RUFY4: variants seen among roughly 807,000 people sequenced by gnomAD.
The protein encoded by RUFY4 is RUN and FYVE domain containing 4, also known as RUN and FYVE domain-containing protein 4.
A neutral mutation model predicts 69.0 loss-of-function variants in RUFY4; 73 were observed. That is an observed-to-expected ratio of 1.06 (90% confidence interval 0.88 to 1.29). The LOEUF is 1.29. Among genes scored for constraint, RUFY4 ranks in the 50% most tolerant of loss-of-function variants. The pLI, the probability that RUFY4 is intolerant of heterozygous loss-of-function variation, is 0.00. For synonymous variants in RUFY4, 287 were observed against 271.8 expected (o/e 1.06, Z -0.55); for missense variants, 770 against 705.6 (o/e 1.09, Z -1.03).
chr2:218,048,084 G>A (rs891810962), intron 2 of RUFY4, among the ~76,000 whole-genome samples: 1 of 152,128 alleles, frequency 6.6e-6, no homozygotes, highest in African/African-American at 2.4e-5. Context: ...CAGTAACAGC[G>A]TATAAGCGTT....
At chr2:218,064,704 A>G (rs1234605086), upstream of RUFY4, among the ~76,000 whole-genome samples, 1 of 149,858 alleles carries the variant, frequency 6.7e-6, no homozygotes. Flanking sequence ...CACCTTCCCC[A>G]CTGGTGCCAT....
intron 2 of RUFY4, among the ~76,000 whole-genome samples, chr2:218,050,935 G>A (rs1427670): frequency 0.021 from 3,145 of 152,070 alleles, 127 homozygotes; most frequent in African/African-American, 0.073. Context: ...ATATATAAAT[G>A]GAATAAACAT....
Position 218,042,890 on chromosome 2 carries a change from C to T in RUFY4, c.-1158+7496C>T, listed in dbSNP as rs137948724. Among the ~76,000 whole-genome samples, 78 of 152,270 alleles carry T rather than the reference C, an allele frequency of 5.1e-4. 1 individual carries two copies. In the East Asian group the frequency reaches 9.1e-3, roughly 18 times the overall value. On this transcript the variant is annotated intron_variant and NMD_transcript_variant, in intron 2 of 13. Coordinates refer to the RUFY4 transcript ENST00000457754. Reference sequence around the variant, plus strand: ...TGAAATACAATCTTTATTATAGTCACTCCTATTTTTACCAAAAATAATCAC... The same window carrying T: ...TGAAATACAATCTTTATTATAGTCATTCCTATTTTTACCAAAAATAATCAC...
intron 2 of RUFY4, among the ~76,000 whole-genome samples, chr2:218,037,887 C>T (rs546871896): frequency 1.0e-3 from 156 of 152,202 alleles, no homozygotes; most frequent in African/African-American, 3.5e-3. Context: ...CTTTTGTTCA[C>T]AAAAGTACAT....
chr2:218,081,537 T>C (rs1301674179), intron 8 of RUFY4, among the ~76,000 whole-genome samples: 1 of 152,210 alleles, frequency 6.6e-6, no homozygotes, highest in Non-Finnish European at 1.5e-5. Context: ...CCATAGGCTC[T>C]GCTTTATTCC....
At chr2:218,061,565 T>C (rs1156616890) in intron 3 of RUFY4, 1 of 158,272 alleles carries the variant, frequency 6.3e-6, no homozygotes, top group African/African-American at 2.4e-5. Flanking sequence ...TCACCTCTAA[T>C]TTGTATATGG....
At chr2:218,083,542 G>A (rs1689817891) in intron 9 of RUFY4, among the ~76,000 whole-genome samples, 1 of 152,232 alleles carries the variant, frequency 6.6e-6, no homozygotes, top group East Asian at 1.9e-4. Flanking sequence ...GAGGTCAGGA[G>A]TTCAAGACTA....
At chr2:218,064,483 C>T (rs980522003), upstream of RUFY4, among the ~76,000 whole-genome samples, 3 of 152,242 alleles carry the variant, frequency 2.0e-5, no homozygotes, top group Admixed American at 2.0e-4. Flanking sequence ...CACATCCTCC[C>T]TCGCTCCATC....
chr2:218,058,109 T>C (rs1357696698), intron 2 of RUFY4, among the ~76,000 whole-genome samples: 1 of 152,218 alleles, frequency 6.6e-6, no homozygotes, highest in Non-Finnish European at 1.5e-5. Context: ...ATTTATCTAC[T>C]ACCAGCAATG....
intron 5 of RUFY4, among the ~76,000 whole-genome samples, 157 bp from the exon 8 acceptor site, chr2:218,073,659 G>A (rs531124170): frequency 6.6e-5 from 10 of 152,254 alleles, no homozygotes; most frequent in Middle Eastern, 3.4e-3. Context: ...GGGAAAGTAC[G>A]GATGAATGGA....
At chr2:218,076,632 T>C in intron 8 of RUFY4, 99 bp downstream of exon 10, 1 of 1,502,694 alleles carries the variant, frequency 6.7e-7, no homozygotes, top group Non-Finnish European at 8.9e-7. Context: ...GAACCTCCCA[T>C]GCACCAGGCC....
At chr2:218,052,011 G>T (rs922116655) in intron 2 of RUFY4, among the ~76,000 whole-genome samples, 3 of 152,010 alleles carry the variant, frequency 2.0e-5, no homozygotes, top group Admixed American at 6.5e-5. Flanking sequence ...CTTTCTCAAG[G>T]TAGAGTTTTC....
At chr2:218,050,626 G>A (rs1242187424) in intron 2 of RUFY4, among the ~76,000 whole-genome samples, 1 of 152,164 alleles carries the variant, frequency 6.6e-6, no homozygotes, top group East Asian at 1.9e-4. Flanking sequence ...CCTTCTTATA[G>A]CTGGATATTC....
Position 218,076,397 on chromosome 2 carries a change from GCCTCCTTCTCC to G in RUFY4, c.1249-21_1249-11del, listed in dbSNP as rs747635349. ...CTGGGGTCTCTGCCCTTCTCCTTCA[GCCTCCTTCTCC>G]CCTCCTTCCACCCCACAGAGCCTCA... On this transcript the variant is annotated intron_variant, in intron 7 of 10. Coordinates refer to ENST00000344321, the Ensembl canonical transcript of RUFY4. 2.4e-4 allele frequency: 366 copies of G among 1,546,840 alleles called. 1 individual carries two copies. The highest frequency in any genetic ancestry group is 4.7e-4 in the Admixed American group (24 of 50,690).
At chr2:218,056,423 C>A (rs1021217934) in intron 2 of RUFY4, among the ~76,000 whole-genome samples, 1 of 151,982 alleles carries the variant, frequency 6.6e-6, no homozygotes, top group African/African-American at 2.4e-5. Context: ...TTTTTTCCCC[C>A]ACTTCTGGTC....
intron 9 of RUFY4, among the ~76,000 whole-genome samples, chr2:218,083,905 G>T (rs1689828989): frequency 6.6e-6 from 1 of 151,728 alleles, no homozygotes; most frequent in Non-Finnish European, 1.5e-5. Flanking sequence ...GAAGGAATTG[G>T]GAGAAGGAGG....
chr2:218,089,229 C>T (rs1245000834), intron 9 of RUFY4, 23 bp from the exon 12 acceptor site: 2 of 1,581,926 alleles, frequency 1.3e-6, no homozygotes, highest in Non-Finnish European at 1.7e-6. Flanking sequence ...GTCTGTGTCT[C>T]TCCACCTTCA....
At chr2:218,089,857 G>T (rs1689989672) in intron 10 of RUFY4, 95 bp from the exon 13 acceptor site, 3 of 839,022 alleles carry the variant, frequency 3.6e-6, no homozygotes, top group Admixed American at 2.0e-5. Context: ...GTCTCAGGTG[G>T]ACCTGAAGAT....
chr2:218,061,141 G>T (rs544647712), intron 3 of RUFY4: 9 of 467,476 alleles, frequency 1.9e-5, no homozygotes, highest in African/African-American at 1.8e-4. Flanking sequence ...AGAACAGGTC[G>T]GCCAAGGCCA....
Sources: allele counts gnomAD v4.1 joint callset (sites outside exome capture counted in the v4.1 genomes callset), GRCh38; gene constraint gnomAD v4.1.1; transcripts MANE v1.5; gene names NCBI Gene and HGNC (gene_info 2026-07-23, HGNC 2026-07-21).